The following NSD2 variants were observed in gnomAD, a reference collection of about 807,000 sequenced individuals.
NSD2 encodes the protein nuclear receptor binding SET domain protein 2.
In NSD2, 12 loss-of-function variants were observed where a neutral mutation model predicts 139.0. That is an observed-to-expected ratio of 0.09 (90% CI 0.06 to 0.14). NSD2 has a LOEUF of 0.14. Among genes scored for constraint, NSD2 ranks in the 10% least tolerant of loss-of-function variants. The pLI is 1.00. For missense variants in NSD2, 1,155 were observed against 1,745.0 expected (o/e 0.66, Z 6.02); for synonymous variants, 669 against 648.7 (o/e 1.03, Z -0.48).
chr4:1,938,401 CTTTTTTTTTTCTTTCTT>C, intron 7 of NSD2, 33 bp from the exon 8 acceptor site: 6 of 872,406 alleles, frequency 6.9e-6, no homozygotes, highest in East Asian at 5.3e-5. Context: ...TTTTTCTTTT[CTTTTTTTTTTCTTTCTT>C]TTTTTTTTTT....
chr4:1,941,522 G>C, intron 9 of NSD2: 1 of 1,043,502 alleles, frequency 9.6e-7, no homozygotes, highest in Non-Finnish European at 1.2e-6. Flanking sequence ...AGAAGACATA[G>C]ATGAAGCATT....
At position 1,976,984 on chromosome 4, in the gene NSD2, G is replaced by A. The variant is rs990697436; in HGVS notation, c.3826+305G>A. Among the ~76,000 whole-genome samples the A allele has an allele frequency of 8.5e-5, 13 of 152,242 alleles. No individual in the cohort carries two copies. Among genetic ancestry groups the A allele is most frequent in the Admixed American group, 4.6e-4 (7 of 15,284 alleles). ...GGGCCCTCATCCATGCTGTGGGGGC[G>A]GGGCGGCCAGGAAGGAGGCGACGCT... On this transcript the variant is annotated intron_variant, in intron 21 of 21. Coordinates refer to ENST00000508803, the MANE Select transcript of NSD2 (RefSeq NM_001042424.3). This position sits in a 1 kb window ranked among gnomAD's most constrained non-coding sequence, Gnocchi z 5.3.
intron 1 of NSD2, among the ~76,000 whole-genome samples, chr4:1,893,363 G>A (rs1347784477): frequency 1.3e-5 from 2 of 152,122 alleles, no homozygotes; most frequent in African/African-American, 2.4e-5. Context: ...TCAGCTACTC[G>A]GGAGGCTAAG....
rs1029571127 is a variant in NSD2, at chr4:1,976,003, G to A, written c.3622-472G>A. Among the ~76,000 whole-genome samples the A allele has an allele frequency of 4.6e-5, 7 of 152,034 alleles. No individual in the cohort carries two copies. The highest frequency in any genetic ancestry group is 1.3e-4 in the Admixed American group (2 of 15,266). ...TAGAACCTGGTCCTGAAAGCCTGGC[G>A]GTGGCACCAGCTCGGCCCTGAGCCG... On this transcript the variant is annotated intron_variant, in intron 20 of 21. Transcript: ENST00000508803. The surrounding 1 kb of genome is among the most constrained non-coding windows in gnomAD (Gnocchi z 5.3).
intron 18 of NSD2, among the ~76,000 whole-genome samples, chr4:1,965,941 G>A (rs369031555): frequency 6.3e-4 from 96 of 152,302 alleles, no homozygotes; most frequent in African/African-American, 2.2e-3. Flanking sequence ...TTCAAGATGC[G>A]ATTTGGGTGG....
intron 1 of NSD2, among the ~76,000 whole-genome samples, chr4:1,898,798 G>A (rs972267618): frequency 1.3e-5 from 2 of 149,274 alleles, no homozygotes; most frequent in Admixed American, 6.7e-5. Flanking sequence ...GGCAGAATTT[G>A]GGACTCCCCT....
intron 7 of NSD2, 94 bp downstream of exon 7, chr4:1,935,356 C>A: frequency 1.1e-6 from 1 of 927,532 alleles, no homozygotes; most frequent in Non-Finnish European, 1.7e-6. Flanking sequence ...ACATGAGATG[C>A]AGGTGTCAGT....
At chr4:1,892,574 T>C (rs1715666872) in intron 1 of NSD2, among the ~76,000 whole-genome samples, 1 of 134,086 alleles carries the variant, frequency 7.5e-6, no homozygotes, top group Admixed American at 6.8e-5. Flanking sequence ...TGATAACTCT[T>C]TTTTTTTTTG....
At chr4:1,951,957 C>T in intron 10 of NSD2, 151 bp from the exon 11 acceptor site, 3 of 1,246,750 alleles carry the variant, frequency 2.4e-6, no homozygotes, top group Non-Finnish European at 3.2e-6. Flanking sequence ...TCTGTTTGGG[C>T]CAGACGTTTG....
In NSD2 at chr4:1,981,663, C is replaced by G. The variant is rs947858379; in HGVS notation, c.*2754C>G. ...GGCCGGCCTTTCTTCCGGCGACACC[C>G]GTCCATGGCTGGCTGGGTCCCCTTC... On this transcript the variant is annotated 3_prime_UTR_variant, in exon 22 of 22. Coordinates refer to ENST00000508803, the MANE Select transcript of NSD2 (RefSeq NM_001042424.3). 1 of 392,242 alleles carries G rather than the reference C, an allele frequency of 2.5e-6. No homozygotes were observed. The allele number at this position is 392,242 out of a possible 1,614,324, so 24.3% of individuals were successfully genotyped here.
In NSD2 at chr4:1,976,440, C is replaced by G; in HGVS notation, c.3622-35C>G. 3 of 1,600,792 alleles carry G rather than the reference C, an allele frequency of 1.9e-6. No homozygotes were observed. Among genetic ancestry groups the G allele is most frequent in the Middle Eastern group, 1.7e-4 (1 of 6,048 alleles). On this transcript the variant is annotated intron_variant, in intron 20 of 21. Transcript: ENST00000508803. This position sits in a 1 kb window ranked among gnomAD's most constrained non-coding sequence, Gnocchi z 5.3. ...CCTATTTGCTTCAGCCTGTGTAATT[C>G]TTTCCGGTGATCTGTGCTTAATTCT...
chr4:1,915,641 C>T (rs367675002), intron 3 of NSD2, among the ~76,000 whole-genome samples: 5 of 152,220 alleles, frequency 3.3e-5, no homozygotes, highest in South Asian at 2.1e-4. Flanking sequence ...TTTAAGAGCA[C>T]GACACTTAGA....
chr4:1,911,157 G>C (rs1355268118), intron 3 of NSD2, among the ~76,000 whole-genome samples: 3 of 152,036 alleles, frequency 2.0e-5, no homozygotes, highest in Non-Finnish European at 1.5e-5. Context: ...GGGCTGTGAT[G>C]GGGAAAAAAG....
chr4:1,907,844 C>T (rs1004288554), intron 3 of NSD2, among the ~76,000 whole-genome samples: 76 of 152,100 alleles, frequency 5.0e-4, no homozygotes, highest in African/African-American at 1.7e-3. Context: ...ATCTCTTGAC[C>T]TTGTGATCCA....
At chr4:1,895,543 A>G (rs778134392) in intron 1 of NSD2, among the ~76,000 whole-genome samples, 1 of 151,962 alleles carries the variant, frequency 6.6e-6, no homozygotes, top group Non-Finnish European at 1.5e-5. Context: ...TTCAATACCA[A>G]TACTTTTTTT....
At chr4:1,878,245 ATATATATTTTTTTTTTTTTTTTTT>A (rs1714425430) in intron 1 of NSD2, among the ~76,000 whole-genome samples, 3 of 38,472 alleles carry the variant, frequency 7.8e-5, no homozygotes, top group Non-Finnish European at 1.4e-4. Flanking sequence ...ATATATATAT[ATATATATTTTTTTTTTTTTTTTTT>A]TTTTTTTTTT....
chr4:1,978,533 T>G (rs1727373283), intron 21 of NSD2, 105 bp from the exon 22 acceptor site: 1 of 1,475,926 alleles, frequency 6.8e-7, no homozygotes, highest in Admixed American at 2.0e-5. Flanking sequence ...CCAGCACTAT[T>G]TTGTGTTCAT....
chr4:1,897,600 C>T (rs1186501984), intron 1 of NSD2, among the ~76,000 whole-genome samples: 1 of 152,150 alleles, frequency 6.6e-6, no homozygotes, highest in Non-Finnish European at 1.5e-5. Context: ...GTCAACAAGA[C>T]AAGATCCCGT....
rs200615147 is a variant in NSD2, at chr4:1,978,803, C to T, written c.3992C>T (p.Ala1331Val). The part of the protein sequence containing the change: ...SYCCEHDLGA[A>V]SVRSTKTEKP... ...TGCTGTGAGCATGACTTAGGGGCGG[C>T]ATCGGTCAGAAGCACCAAGACTGAG... is the stretch of plus-strand genomic sequence containing the variant. Residue 1331 changes from alanine (A) to valine (V), a missense_variant, in exon 22 of 22, where the codon GCA (alanine) becomes GTA (valine). By Grantham distance (64) the Ala-to-Val change is moderately conservative. Coordinates refer to ENST00000508803, the MANE Select transcript of NSD2 (RefSeq NM_001042424.3). 311 of 1,612,546 alleles carry T rather than the reference C, an allele frequency of 1.9e-4. 3 individuals are homozygous for T. The highest frequency in any genetic ancestry group is 1.2e-3 in the South Asian group (111 of 90,926).
Sources: gnomAD v4.1 joint callset for allele counts (sites outside exome capture counted in the v4.1 genomes callset) on GRCh38, gnomAD v4.1.1 for gene constraint, Gnocchi (gnomAD v3.1) non-coding constraint, MANE v1.5 for transcripts, NCBI Gene and HGNC (gene_info 2026-07-23, HGNC 2026-07-21) for gene names.